The following TTLL7 variants were observed in gnomAD, a reference collection of about 807,000 sequenced individuals.
TTLL7 encodes tubulin tyrosine ligase like 7, also known as tubulin polyglutamylase TTLL7.
A neutral mutation model predicts 120.2 loss-of-function variants in TTLL7; 53 were observed. That is an observed-to-expected ratio of 0.44 (90% confidence interval 0.35 to 0.55). The LOEUF (loss-of-function observed/expected upper bound fraction) is 0.55, where lower values mean the gene tolerates loss of function less well. TTLL7 is among the 20% of genes least tolerant of loss of function. The pLI, the probability that TTLL7 is intolerant of heterozygous loss-of-function variation, is 0.00. For synonymous variants in TTLL7, 353 were observed against 351.7 expected (o/e 1.00, Z -0.04); for missense variants, 803 against 1,054.7 (o/e 0.76, Z 3.31).
intron 9 of TTLL7, among the ~76,000 whole-genome samples, chr1:83,931,526 T>C (rs963272611): frequency 6.6e-6 from 1 of 152,146 alleles, no homozygotes; most frequent in Admixed American, 6.6e-5. Flanking sequence ...GCTATTGTTT[T>C]TGTCATTTCC....
intron 3 of TTLL7, 84 bp from the exon 4 acceptor site, chr1:83,950,070 T>C: frequency 1.7e-6 from 2 of 1,202,468 alleles, no homozygotes; most frequent in East Asian, 2.5e-5. Context: ...ATCTAAACTT[T>C]AGTTCATAGT....
chr1:83,907,537 C>A lies in TTLL7; in HGVS notation c.1911G>T (p.Arg637=), dbSNP rs1483249282. Residue 637 remains arginine (R), a synonymous_variant, in exon 16 of 21, where the codon CGG becomes CGT. Coordinates refer to ENST00000260505, the MANE Select transcript of TTLL7 (RefSeq NM_024686.6). ...AGGAAGCACGGTTTAAGGAATGTGA[C>A]CGAGATGCAGAAGTTGGCCGTGACA... The part of the protein sequence containing the change: ...ISVSRPTSAS[R]SHSLNRASSY... 1 of 1,613,314 alleles carries A rather than the reference C, an allele frequency of 6.2e-7. No individual in the cohort carries two copies.
chr1:83,903,988 C>A, intron 18 of TTLL7, 91 bp downstream of exon 18: 1 of 940,688 alleles, frequency 1.1e-6, no homozygotes, highest in South Asian at 1.4e-5. Context: ...AACAAATGAG[C>A]AAATATACAG....
At chr1:83,871,037 C>T (rs12128942) in intron 20 of TTLL7, among the ~76,000 whole-genome samples, 6,230 of 148,064 alleles carry the variant, frequency 0.042, 156 homozygotes, top group Middle Eastern at 0.1. Context: ...ATATAGTATA[C>T]ATATTTATAT....
At chr1:83,892,457 TATGAACATATATATGAACATATGA>T (rs1557564321) in intron 18 of TTLL7, among the ~76,000 whole-genome samples, 4 of 55,020 alleles carry the variant, frequency 7.3e-5, no homozygotes, top group South Asian at 4.5e-4. Flanking sequence ...AATGAACATA[TATGAACATATATATGAACATATGA>T]ATGAACATAT....
At chr1:83,934,382 G>A (rs1571233499) in intron 8 of TTLL7, among the ~76,000 whole-genome samples, 2 of 152,178 alleles carry the variant, frequency 1.3e-5, no homozygotes, top group Non-Finnish European at 2.9e-5. Flanking sequence ...AAATTCCAAG[G>A]AGAGTAAATT....
At chr1:83,936,469 T>C (rs1434092155) in intron 8 of TTLL7, among the ~76,000 whole-genome samples, 1 of 152,208 alleles carries the variant, frequency 6.6e-6, no homozygotes, top group Non-Finnish European at 1.5e-5. Context: ...CAATGAACTA[T>C]GGTCCAAAAT....
At position 83,907,665 on chromosome 1, in the gene TTLL7, T is replaced by C; in HGVS notation, c.1787-4A>G. 3 of 1,611,782 alleles carry C rather than the reference T, an allele frequency of 1.9e-6. No homozygotes were observed. The highest frequency in any genetic ancestry group is 1.7e-6 in the Non-Finnish European group (2 of 1,178,804). On this transcript the variant is annotated splice_polypyrimidine_tract_variant and splice_region_variant and intron_variant, in intron 15 of 20. Coordinates refer to ENST00000260505, the MANE Select transcript of TTLL7 (RefSeq NM_024686.6). ...CTGACTGAACGTCTTATGGAGCCTA[T>C]CAGTGATGGAGAAGAGGGATACTAC...
At chr1:83,942,741 A>G in intron 6 of TTLL7, 62 bp from the exon 7 acceptor site, 1 of 1,232,616 alleles carries the variant, frequency 8.1e-7, no homozygotes, top group African/African-American at 1.5e-5. Context: ...TTAAAAAGTT[A>G]TAGATATACT....
At chr1:83,956,678 C>G (rs1649553553) in intron 1 of TTLL7, among the ~76,000 whole-genome samples, 3 of 152,194 alleles carry the variant, frequency 2.0e-5, no homozygotes, top group Admixed American at 2.0e-4. Context: ...GATCCGCCTA[C>G]CTCGGCCTCC....
rs569755739 is a variant in TTLL7, at chr1:83,998,367, T to G, written c.-177+564A>C. 2.0e-5 allele frequency among the ~76,000 whole-genome samples: 3 copies of G among 152,262 alleles called. No homozygotes were observed. The South Asian group carries it at 6.2e-4, about 32-fold the overall frequency. On this transcript the variant is annotated intron_variant, in intron 1 of 20. Coordinates refer to ENST00000260505, the MANE Select transcript of TTLL7 (RefSeq NM_024686.6). The stretch of plus-strand genomic sequence containing the variant: ...CACCCAGAATACAAGGCAACTTTCA[T>G]AGGGTATCTTTTACATCAGTCGAGG...
At chr1:83,971,503 T>C (rs1650981971) in intron 1 of TTLL7, among the ~76,000 whole-genome samples, 1 of 152,084 alleles carries the variant, frequency 6.6e-6, no homozygotes, top group Non-Finnish European at 1.5e-5. Flanking sequence ...TCAGTTTTTT[T>C]GGAGTGATTT....
At chr1:83,926,221 G>A (rs541997816) in intron 10 of TTLL7, among the ~76,000 whole-genome samples, 57 of 152,082 alleles carry the variant, frequency 3.7e-4, no homozygotes, top group African/African-American at 1.4e-3. Context: ...AAACCCAGGA[G>A]GAACATGATC....
intron 14 of TTLL7, among the ~76,000 whole-genome samples, chr1:83,917,048 GTA>G (rs940103849): frequency 1.3e-5 from 2 of 150,460 alleles, no homozygotes; most frequent in Non-Finnish European, 2.9e-5. Flanking sequence ...CTACAGTGAG[GTA>G]TGAACATACC....
chr1:83,979,578 A>T (rs1396079304), intron 1 of TTLL7: 4 of 152,194 alleles, frequency 2.6e-5, no homozygotes, highest in Non-Finnish European at 5.9e-5. Context: ...GTCTTTCATT[A>T]GTTTTAAAAA....
chr1:83,912,127 T>A (rs1013682726), intron 14 of TTLL7, among the ~76,000 whole-genome samples: 1 of 152,166 alleles, frequency 6.6e-6, no homozygotes. Flanking sequence ...TAACTTTTCA[T>A]TGCCCATGCT....
chr1:83,919,872 A>G (rs777558010), intron 12 of TTLL7, 38 bp from the exon 13 acceptor site: 2 of 1,593,092 alleles, frequency 1.3e-6, no homozygotes, highest in Admixed American at 3.4e-5. Flanking sequence ...TTTAAAAAGA[A>G]GCTGTCGTAG....
chr1:83,979,211 GT>G (rs1254469691), intron 1 of TTLL7: 1 of 152,228 alleles, frequency 6.6e-6, no homozygotes, highest in Non-Finnish European at 1.5e-5. Flanking sequence ...AGAGATTAGG[GT>G]TTTTCAAGAA....
At chr1:83,903,105 C>A (rs1437722447) in intron 18 of TTLL7, among the ~76,000 whole-genome samples, 1 of 151,930 alleles carries the variant, frequency 6.6e-6, no homozygotes, top group Non-Finnish European at 1.5e-5. Flanking sequence ...TCCCGTGGTT[C>A]CTCATCAACT....
Sources: gnomAD v4.1 joint callset for allele counts (sites outside exome capture counted in the v4.1 genomes callset) on GRCh38, gnomAD v4.1.1 for gene constraint, MANE v1.5 for transcripts, NCBI Gene and HGNC (gene_info 2026-07-23, HGNC 2026-07-21) for gene names.